The following BZW1 variants were observed in gnomAD, a reference collection of about 807,000 sequenced individuals.
The protein encoded by BZW1 is eIF5-mimic protein 2.
A neutral mutation model predicts 54.1 loss-of-function variants in BZW1; 3 were observed. That is an observed-to-expected ratio of 0.06 (90% CI 0.03 to 0.14). The LOEUF is 0.14. BZW1 is among the 10% of genes least tolerant of loss of function. BZW1 has a pLI of 1.00. For missense variants in BZW1, 206 were observed against 491.7 expected, an observed-to-expected ratio of 0.42 and a Z score of 5.50; for synonymous variants, 152 against 162.7, an observed-to-expected ratio of 0.93 and a Z score of 0.50.
chr2:200,817,074 GT>G, intron 5 of BZW1, 31 bp from the exon 6 acceptor site: 1 of 1,607,418 alleles, frequency 6.2e-7, no homozygotes, highest in Non-Finnish European at 8.5e-7. Context: ...TGCAGTTGCT[GT>G]TTTAACCCTT....
At position 200,824,354 on chromosome 2, in the gene BZW1, A is replaced by G. The variant is rs2038634686; in HGVS notation, c.*2176A>G. On this transcript the variant is annotated 3_prime_UTR_variant, in exon 12 of 12. Transcript: ENST00000409600. ...ATTCTTAATATAGATGTTAAATTGT[A>G]CTTTTAATTATGATTGGATAAATGT... is the stretch of plus-strand genomic sequence containing the variant. 1 of 152,254 alleles carries G rather than the reference A, an allele frequency of 6.6e-6. No individual in the cohort carries two copies. The highest frequency in any genetic ancestry group is 2.4e-5 in the African/African-American group (1 of 41,554). The allele number at this position is 152,254 out of a possible 1,614,324, so 9.4% of individuals were successfully genotyped here.
intron 2 of BZW1, among the ~76,000 whole-genome samples, chr2:200,814,204 T>G (rs927041450): frequency 6.6e-6 from 1 of 152,228 alleles, no homozygotes; most frequent in Admixed American, 6.5e-5. Flanking sequence ...CTCTTGAATA[T>G]GTGGGTTACT....
At chr2:200,812,939 G>T (rs567466557) in intron 1 of BZW1, 7 of 669,818 alleles carry the variant, frequency 1.0e-5, no homozygotes, top group Admixed American at 4.1e-5. Flanking sequence ...GGTTTATGAC[G>T]GGTGATCACT....
chr2:200,812,249 G>A (rs2038094047), intron 1 of BZW1: 1 of 1,229,652 alleles, frequency 8.1e-7, no homozygotes, highest in South Asian at 4.1e-5. Flanking sequence ...GGCCGAGGCG[G>A]GCTCCCTCTG....
At position 200,821,289 on chromosome 2, in the gene BZW1, C is replaced by T; in HGVS notation, c.1212C>T (p.Leu404=). ...LEQMKKFVEW[L]KNAEEESESE... ...AAATGAAAAAGTTTGTAGAATGGCT[C>T]AAAAATGCTGAAGAAGGTAAGGATT... is the stretch of plus-strand genomic sequence containing the variant. Residue 404 remains leucine (L), a synonymous_variant, in exon 11 of 12, where the codon CTC becomes CTT. Transcript: ENST00000409600. The T allele has an allele frequency of 1.2e-6, 2 of 1,613,414 alleles. No homozygotes were observed. Among genetic ancestry groups the T allele is most frequent in the East Asian group, 4.5e-5 (2 of 44,862 alleles).
At chr2:200,819,617 G>C (rs2038433002) in intron 9 of BZW1, among the ~76,000 whole-genome samples, 1 of 147,004 alleles carries the variant, frequency 6.8e-6, no homozygotes, top group African/African-American at 2.5e-5. Flanking sequence ...CTGGAGTGCA[G>C]TGATGTGATC....
chr2:200,812,246 G>GCGGGCTCCCTCTGGGCCGTGC (rs2038093837), intron 1 of BZW1: 6 of 1,229,524 alleles, frequency 4.9e-6, no homozygotes, highest in Non-Finnish European at 6.1e-6. Flanking sequence ...AGTGGCCGAG[G>GCGGGCTCCCTCTGGGCCGTGC]CGGGCTCCCT....
intron 11 of BZW1, among the ~76,000 whole-genome samples, chr2:200,821,656 C>T (rs1268097537): frequency 6.6e-6 from 1 of 152,034 alleles, no homozygotes; most frequent in Non-Finnish European, 1.5e-5. Context: ...GCCTCAGCCT[C>T]ACAAAGTACA....
Position 200,823,316 on chromosome 2 carries a change from A to C in BZW1, c.*1138A>C, listed in dbSNP as rs1330883449. ...TAACATACCCTAGTTGCCGTTTTTT[A>C]ATTGCCATGAGCCAAATACTTCTTG... On this transcript the variant is annotated 3_prime_UTR_variant, in exon 12 of 12. Coordinates refer to ENST00000409600, the MANE Select transcript of BZW1 (RefSeq NM_001207067.2). The C allele has an allele frequency of 6.2e-6, 1 of 162,192 alleles. No individual in the cohort carries two copies. Among genetic ancestry groups the C allele is most frequent in the African/African-American group, 2.4e-5 (1 of 41,460 alleles). 10.0% of individuals were successfully genotyped at this position (162,192 alleles called of 1,614,324 possible).
At position 200,823,953 on chromosome 2, in the gene BZW1, T is replaced by C. The variant is rs2038620656; in HGVS notation, c.*1775T>C. On this transcript the variant is annotated 3_prime_UTR_variant, in exon 12 of 12. Coordinates refer to ENST00000409600, the MANE Select transcript of BZW1 (RefSeq NM_001207067.2). ...GTATACCATTAAGTAATAATTAGAC[T>C]CCCAAACTGTAAACCACCTACACAG... 1.3e-5 allele frequency: 2 copies of C among 152,130 alleles called. No homozygotes were observed. Among genetic ancestry groups the C allele is most frequent in the African/African-American group, 4.8e-5 (2 of 41,420 alleles). The allele number at this position is 152,130 out of a possible 1,614,324, so 9.4% of individuals were successfully genotyped here.
intron 1 of BZW1, chr2:200,812,464 G>C (rs1227378624): frequency 1.3e-5 from 18 of 1,336,354 alleles, no homozygotes; most frequent in Non-Finnish European, 1.6e-5. Flanking sequence ...TGGTCCGCTC[G>C]TTGCGGCGGC....
chr2:200,821,165 A>T lies in BZW1; in HGVS notation c.1106-18A>T, dbSNP rs374829121. On this transcript the variant is annotated intron_variant, in intron 10 of 11. Transcript: ENST00000409600. ...GAGTATATTAAAACTCCCTTAATGCAATGAGTTTTCTTTCCAGCTGAAGTC... is the reference window on the plus strand; with the variant it reads ...GAGTATATTAAAACTCCCTTAATGCTATGAGTTTTCTTTCCAGCTGAAGTC... 33 of 1,610,932 alleles carry T rather than the reference A, an allele frequency of 2.0e-5. No individual in the cohort carries two copies. Among genetic ancestry groups the T allele is most frequent in the African/African-American group, 4.0e-5 (3 of 74,828 alleles).
intron 2 of BZW1, among the ~76,000 whole-genome samples, chr2:200,814,280 A>C (rs1029743279): frequency 2.0e-5 from 3 of 152,196 alleles, no homozygotes; most frequent in African/African-American, 4.8e-5. Context: ...TCAGGGAGAG[A>C]TGTAACTTCC....
At chr2:200,820,288 T>G (rs564180724) in intron 10 of BZW1, 168 bp downstream of exon 10, 1 of 551,396 alleles carries the variant, frequency 1.8e-6, no homozygotes, top group African/African-American at 1.9e-5. Flanking sequence ...GATACTTGTT[T>G]AAAACATCTA....
At chr2:200,819,005 C>G (rs552447630) in intron 9 of BZW1, 104 bp downstream of exon 9, 1 of 1,334,446 alleles carries the variant, frequency 7.5e-7, no homozygotes, top group Non-Finnish European at 1.0e-6. Flanking sequence ...TCCTGTGGTT[C>G]CTAGGGATGG....
intron 7 of BZW1, 24 bp from the exon 8 acceptor site, chr2:200,818,199 T>G (rs2105870992): frequency 6.5e-7 from 1 of 1,539,018 alleles, no homozygotes; most frequent in Non-Finnish European, 8.7e-7. Context: ...AAAGAAAGTT[T>G]AACCAGATAA....
intron 5 of BZW1, 128 bp downstream of exon 5, chr2:200,816,518 C>CTCTGT: frequency 1.1e-5 from 6 of 570,528 alleles, no homozygotes; most frequent in Non-Finnish European, 1.7e-5. Flanking sequence ...TGAGACAGAG[C>CTCTGT]CTCACTCTGT....
intron 11 of BZW1, among the ~76,000 whole-genome samples, chr2:200,821,936 G>T (rs1016098845): frequency 2.4e-4 from 37 of 152,094 alleles, no homozygotes; most frequent in Non-Finnish European, 3.8e-4. Flanking sequence ...AGTTTTGGTG[G>T]TGGGCGCCTG....
Position 200,815,331 on chromosome 2 carries a change from G to A in BZW1, c.65-10G>A, listed in dbSNP as rs908571197. 6.3e-7 allele frequency: 1 copy of A among 1,585,750 alleles called. No individual in the cohort carries two copies. Among genetic ancestry groups the A allele is most frequent in the South Asian group, 1.1e-5 (1 of 87,672 alleles). On this transcript the variant is annotated splice_polypyrimidine_tract_variant and intron_variant, in intron 2 of 11. Transcript: ENST00000409600. ...TAAAACTAAATGTTTTGGGTCCCTT[G>A]TCCCCCCAGATGAAAAAGAGAGGTT...
Sources: gnomAD v4.1 joint callset for allele counts (sites outside exome capture counted in the v4.1 genomes callset) on GRCh38, gnomAD v4.1.1 for gene constraint, MANE v1.5 for transcripts, NCBI Gene and HGNC (gene_info 2026-07-23, HGNC 2026-07-21) for gene names.